COG7: variants seen among roughly 807,000 people sequenced by gnomAD.
COG7 encodes the protein conserved oligomeric Golgi complex subunit 7.
A neutral mutation model predicts 91.5 loss-of-function variants in COG7; 49 were observed. That is an observed-to-expected ratio of 0.54 (90% CI 0.43 to 0.68). The LOEUF (loss-of-function observed/expected upper bound fraction) is 0.68, where lower values mean the gene tolerates loss of function less well. COG7 is among the 30% of genes least tolerant of loss of function. COG7 has a pLI of 0.00. For synonymous variants in COG7, 365 were observed against 388.7 expected, an observed-to-expected ratio of 0.94 and a Z score of 0.72; for missense variants, 895 against 961.3, an observed-to-expected ratio of 0.93 and a Z score of 0.91.
chr16:23,442,506 A>G lies in COG7; in HGVS notation c.575T>C (p.Ile192Thr), dbSNP rs368050231. ...AGCCTGAGAGGTGAATGCCGCTACA[A>G]TCTGTGGACTGGCTAGGGCCTCCAG... ...NRLEALASPQ[I>T]VAAFTSQAVD... The change falls in exon 4 of 17, where the codon ATT becomes ACT. Residue 192 changes from isoleucine to threonine, a missense_variant. By Grantham distance (89) the Ile-to-Thr change is moderately conservative. Coordinates refer to ENST00000307149, the MANE Select transcript of COG7 (RefSeq NM_153603.4). The G allele has an allele frequency of 6.2e-7, 1 of 1,614,092 alleles. No individual in the cohort carries two copies. Among genetic ancestry groups the G allele is most frequent in the Non-Finnish European group, 8.5e-7 (1 of 1,180,010 alleles).
At chr16:23,447,214 T>C (rs1235807521) in intron 1 of COG7, 1 of 151,864 alleles carries the variant, frequency 6.6e-6, no homozygotes, top group Non-Finnish European at 1.5e-5. Context: ...ATTCACACTC[T>C]ATTTATTTAT....
At chr16:23,389,438 C>A (rs1963153069) in intron 16 of COG7, among the ~76,000 whole-genome samples, 1 of 151,888 alleles carries the variant, frequency 6.6e-6, no homozygotes, top group African/African-American at 2.4e-5. Flanking sequence ...TACACACACT[C>A]ACATGCACAC....
At chr16:23,419,748 C>CAA (rs60636268) in intron 7 of COG7, among the ~76,000 whole-genome samples, 791 of 55,202 alleles carry the variant, frequency 0.014, 39 homozygotes, top group African/African-American at 0.047. Flanking sequence ...GACTTCATCT[C>CAA]AAAAAAAAAA....
At chr16:23,430,771 C>T (rs932952531) in intron 6 of COG7, among the ~76,000 whole-genome samples, 17 of 151,944 alleles carry the variant, frequency 1.1e-4, no homozygotes, top group African/African-American at 3.9e-4. Flanking sequence ...GAACTCCTGA[C>T]CTCAGGTGAT....
At chr16:23,439,707 C>A (rs1393150914) in intron 4 of COG7, among the ~76,000 whole-genome samples, 1 of 152,098 alleles carries the variant, frequency 6.6e-6, no homozygotes, top group Admixed American at 6.6e-5. Context: ...GAGGAATGGA[C>A]AGTTGCTGTT....
intron 4 of COG7, among the ~76,000 whole-genome samples, chr16:23,440,631 AT>A (rs1964085927): frequency 6.6e-6 from 1 of 151,456 alleles, no homozygotes; most frequent in South Asian, 2.1e-4. Flanking sequence ...CTAATTTTTT[AT>A]TTTTTGTAGA....
intron 9 of COG7, 134 bp from the exon 10 acceptor site, chr16:23,413,698 G>A: frequency 1.4e-6 from 1 of 704,198 alleles, no homozygotes; most frequent in Non-Finnish European, 2.6e-6. Flanking sequence ...ACCGACGAGT[G>A]AAACTGCTTG....
chr16:23,418,661 G>T, intron 8 of COG7, 39 bp downstream of exon 8: 1 of 1,609,346 alleles, frequency 6.2e-7, no homozygotes. Context: ...CTGGCTAACA[G>T]AATGCTTCCT....
At position 23,445,851 on chromosome 16, in the gene COG7, T is replaced by C. The variant is rs1252819301; in HGVS notation, c.280A>G (p.Ile94Val). Residue 94 changes from isoleucine to valine, a missense_variant, in exon 2 of 17, where the codon ATT (isoleucine) becomes GTT (valine). Physicochemically the swap from Ile to Val is conservative, Grantham distance 29 (BLOSUM62 3). Transcript: ENST00000307149. ...GATGTGTCCTGTTCAAATTTTTTAA[T>C]GTCCTCCTTGACAAGAATCATCTGT... is the stretch of plus-strand genomic sequence containing the variant. ...KEQMILVKED[I>V]KKFEQDTSQS... 2.5e-6 allele frequency: 4 copies of C among 1,613,992 alleles called. No homozygotes were observed. The highest frequency in any genetic ancestry group is 3.4e-6 in the Non-Finnish European group (4 of 1,179,972).
chr16:23,419,495 T>C (rs1963715888), intron 7 of COG7, among the ~76,000 whole-genome samples: 1 of 150,734 alleles, frequency 6.6e-6, no homozygotes, highest in Non-Finnish European at 1.5e-5. Context: ...ACACTTGTAA[T>C]CCCAGCACTT....
chr16:23,445,105 C>G lies in COG7; in HGVS notation c.378G>C (p.Gln126His). ...TCAACGTGCTCCACTTATCTGCTTC[C>G]TGAAGAGATTCGGCAGCAAGTTGCA... ...SRMQLAAESL[Q>H]EADKWSTLSA... The change falls in exon 3 of 17, where the codon CAG becomes CAC. Residue 126 changes from glutamine to histidine, a missense_variant. Transcript: ENST00000307149. The G allele has an allele frequency of 6.2e-7, 1 of 1,614,156 alleles. No homozygotes were observed. Among genetic ancestry groups the G allele is most frequent in the South Asian group, 1.1e-5 (1 of 91,090 alleles).
At chr16:23,389,740 C>T (rs1482236391) in intron 16 of COG7, 3 of 153,656 alleles carry the variant, frequency 2.0e-5, no homozygotes, top group Admixed American at 6.4e-5. Flanking sequence ...ACCCCTGAGG[C>T]ACTGGGGATA....
At position 23,452,996 on chromosome 16, in the gene COG7, G is replaced by A; in HGVS notation, c.-2C>T. 1 of 1,614,076 alleles carries A rather than the reference G, an allele frequency of 6.2e-7. No individual in the cohort carries two copies. The highest frequency in any genetic ancestry group is 8.5e-7 in the Non-Finnish European group (1 of 1,179,964). ...TGCCAGGAACTTGGAGAAGTCCATG[G>A]CGGAACTGCCTCAGGCCTGGCGTCC... is the stretch of plus-strand genomic sequence containing the variant. On this transcript the variant is annotated 5_prime_UTR_variant, in exon 1 of 17. Transcript: ENST00000307149.
intron 16 of COG7, 156 bp downstream of exon 16, chr16:23,392,224 G>T (rs1963209588): frequency 1.3e-5 from 20 of 1,515,196 alleles, no homozygotes; most frequent in Non-Finnish European, 1.8e-5. Context: ...CTGGGGCAGG[G>T]CCTGGAGAAC....
chr16:23,408,481 G>A (rs892333581), intron 11 of COG7, among the ~76,000 whole-genome samples: 2 of 150,148 alleles, frequency 1.3e-5, no homozygotes, highest in Admixed American at 1.3e-4. Context: ...AGGTAGGGGC[G>A]AGTTGCTAAG....
chr16:23,430,627 C>T (rs1012516627), intron 6 of COG7, among the ~76,000 whole-genome samples: 1 of 151,822 alleles, frequency 6.6e-6, no homozygotes, highest in African/African-American at 2.4e-5. Context: ...CAGCAACCTC[C>T]ACCTCCCAGG....
intron 2 of COG7, among the ~76,000 whole-genome samples, 183 bp downstream of exon 2, chr16:23,445,630 A>G (rs1043616793): frequency 5.3e-5 from 8 of 151,686 alleles, no homozygotes; most frequent in Non-Finnish European, 1.0e-4. Flanking sequence ...TGCAGCCTGC[A>G]CTCCAGCTAC....
At chr16:23,405,999 G>T in intron 12 of COG7, 77 bp downstream of exon 12, 1 of 1,385,244 alleles carries the variant, frequency 7.2e-7, no homozygotes, top group Non-Finnish European at 1.0e-6. Context: ...GGGCCCGCCT[G>T]TAACCCAGAG....
At chr16:23,421,975 A>C (rs1963764735) in intron 7 of COG7, among the ~76,000 whole-genome samples, 1 of 152,196 alleles carries the variant, frequency 6.6e-6, no homozygotes, top group African/African-American at 2.4e-5. Context: ...CTAATGTATA[A>C]AACAGTTCAT....
Sources: gnomAD v4.1 joint callset for allele counts (sites outside exome capture counted in the v4.1 genomes callset) on GRCh38, gnomAD v4.1.1 for gene constraint, MANE v1.5 for transcripts, NCBI Gene and HGNC (gene_info 2026-07-23, HGNC 2026-07-21) for gene names.